The following CPLX2 variants were observed in gnomAD, a reference collection of about 807,000 sequenced individuals.
CPLX2 encodes complexin 2.
CPLX2 carries 5 observed loss-of-function variants against 16.3 expected under a neutral mutation model. The ratio of observed to expected loss-of-function variants is 0.31; its 90% CI spans 0.16 to 0.64. CPLX2 has a LOEUF of 0.64. Among genes scored for constraint, CPLX2 ranks in the 30% least tolerant of loss-of-function variants. The probability of loss-of-function intolerance (pLI) is 0.79; values close to 1 mark genes in which losing one functional copy is unlikely to be tolerated. For missense variants in CPLX2, 144 were observed against 181.4 expected (o/e 0.79, Z 1.18); for synonymous variants, 89 against 73.2 (o/e 1.22, Z -1.10).
At chr5:175,868,948 G>A (rs1245556278), upstream of CPLX2, among the ~76,000 whole-genome samples, 1 of 152,158 alleles carries the variant, frequency 6.6e-6, no homozygotes, top group Non-Finnish European at 1.5e-5. Flanking sequence ...AAGTGCTTGT[G>A]TAAATTAAAT....
At chr5:175,840,739 G>C (rs975716977) in intron 2 of CPLX2, among the ~76,000 whole-genome samples, 2 of 152,226 alleles carry the variant, frequency 1.3e-5, no homozygotes, top group Non-Finnish European at 2.9e-5. Flanking sequence ...CTGGTGCCAG[G>C]GAAAAGGGCA....
upstream of CPLX2, among the ~76,000 whole-genome samples, chr5:175,867,701 C>G (rs748843675): frequency 6.6e-6 from 1 of 152,122 alleles, no homozygotes; most frequent in Non-Finnish European, 1.5e-5. Context: ...CACCGAGAGT[C>G]AGAGACGCAC....
At chr5:175,828,740 C>G (rs1758669375) in intron 2 of CPLX2, among the ~76,000 whole-genome samples, 1 of 152,152 alleles carries the variant, frequency 6.6e-6, no homozygotes, top group South Asian at 2.1e-4. Flanking sequence ...AAATACTTTG[C>G]CTTGCTCATG....
chr5:175,806,190 G>A lies in CPLX2; in HGVS notation c.-168-2799G>A, dbSNP rs575718309. Among the ~76,000 whole-genome samples the A allele has an allele frequency of 2.3e-4, 21 of 89,574 alleles. No individual in the cohort carries two copies. In the East Asian group the frequency reaches 6.6e-3, roughly 28 times the overall value. 58.8% of individuals were successfully genotyped at this position (89,574 alleles called of 152,430 possible). On this transcript the variant is annotated intron_variant, in intron 1 of 4. Coordinates refer to the CPLX2 transcript ENST00000359546. ...CCTTCTAAACTGGCTCTGACAACCCGCCAGTCTTTTTTTTTTTGGCCCTGA... is the reference window on the plus strand; with the variant it reads ...CCTTCTAAACTGGCTCTGACAACCCACCAGTCTTTTTTTTTTTGGCCCTGA...
intron 1 of CPLX2, among the ~76,000 whole-genome samples, chr5:175,874,649 G>A (rs1317547242): frequency 6.6e-6 from 1 of 152,070 alleles, no homozygotes; most frequent in African/African-American, 2.4e-5. Context: ...CTGATCTTTG[G>A]ACAGACAGAA....
chr5:175,848,576 C>A (rs1018323747), intron 2 of CPLX2, among the ~76,000 whole-genome samples: 3 of 152,104 alleles, frequency 2.0e-5, no homozygotes, highest in African/African-American at 4.8e-5. Flanking sequence ...GGGACAGAGC[C>A]ACAGGAAGGG....
intron 2 of CPLX2, among the ~76,000 whole-genome samples, chr5:175,814,783 C>T (rs1002527267): frequency 2.6e-5 from 4 of 152,290 alleles, no homozygotes; most frequent in African/African-American, 7.2e-5. Context: ...GACCTGAGGC[C>T]GGTTTTGTCC....
intron 1 of CPLX2, among the ~76,000 whole-genome samples, chr5:175,876,905 C>T (rs1759771501): frequency 6.6e-6 from 1 of 152,198 alleles, no homozygotes; most frequent in African/African-American, 2.4e-5. Context: ...AACCTGCAAA[C>T]TCAGAATTCG....
chr5:175,881,302 G>A lies in CPLX2; in HGVS notation c.*1257G>A, dbSNP rs937579250. 1 of 153,168 alleles carries A rather than the reference G, an allele frequency of 6.5e-6. No homozygotes were observed. The highest frequency in any genetic ancestry group is 2.4e-5 in the African/African-American group (1 of 41,212). The allele number at this position is 153,168 out of a possible 1,614,324, so 9.5% of individuals were successfully genotyped here. A position where few individuals can be genotyped will look rare whatever the true frequency, so the allele number is the denominator to read the frequency against. On this transcript the variant is annotated 3_prime_UTR_variant, in exon 4 of 4. Transcript: ENST00000393745. ...GTGTGTGTGTCTTGAGATTGTGTGT[G>A]TTGCAGTCATCATATCTATGTGTTA...
intron 1 of CPLX2, among the ~76,000 whole-genome samples, chr5:175,797,016 A>G (rs1757990226): frequency 6.6e-6 from 1 of 151,946 alleles, no homozygotes; most frequent in Non-Finnish European, 1.5e-5. Flanking sequence ...CCCGCGCCGC[A>G]CCGGGTCCCT....
chr5:175,852,018 G>A (rs1224320128), intron 2 of CPLX2, among the ~76,000 whole-genome samples: 1 of 152,178 alleles, frequency 6.6e-6, no homozygotes, highest in Non-Finnish European at 1.5e-5. Flanking sequence ...AATGATTCCA[G>A]CTAAAAACAG....
At chr5:175,825,823 C>A (rs1758601977) in intron 2 of CPLX2, among the ~76,000 whole-genome samples, 1 of 150,240 alleles carries the variant, frequency 6.7e-6, no homozygotes. Context: ...CAGCTCCCAG[C>A]AGCTAGAGAG....
chr5:175,840,856 C>CT (rs1319278971), intron 2 of CPLX2, among the ~76,000 whole-genome samples: 1 of 152,038 alleles, frequency 6.6e-6, no homozygotes, highest in Admixed American at 6.5e-5. Flanking sequence ...TGTGACAAGA[C>CT]TTTTTTTTAT....
At chr5:175,828,689 C>G (rs560803448) in intron 2 of CPLX2, among the ~76,000 whole-genome samples, 1 of 152,142 alleles carries the variant, frequency 6.6e-6, no homozygotes, top group South Asian at 2.1e-4. Context: ...CCTCTCTGAG[C>G]CTCAGTGACC....
At chr5:175,863,937 T>C (rs1759416645) in intron 2 of CPLX2, among the ~76,000 whole-genome samples, 2 of 152,252 alleles carry the variant, frequency 1.3e-5, no homozygotes, top group African/African-American at 4.8e-5. Context: ...TTAAATTCTT[T>C]TCTTTCTCAT....
At chr5:175,839,367 C>T (rs994340094) in intron 2 of CPLX2, among the ~76,000 whole-genome samples, 2 of 152,060 alleles carry the variant, frequency 1.3e-5, no homozygotes, top group Admixed American at 1.3e-4. Context: ...CTCACTGCAA[C>T]CTCCGTCTCC....
chr5:175,851,697 T>C (rs539576831), intron 2 of CPLX2, among the ~76,000 whole-genome samples: 33 of 152,374 alleles, frequency 2.2e-4, no homozygotes, highest in African/African-American at 6.7e-4. Flanking sequence ...TAGGCTTCTT[T>C]GTGCCACTGG....
chr5:175,823,975 G>C (rs1016628185), intron 2 of CPLX2, among the ~76,000 whole-genome samples: 2 of 152,104 alleles, frequency 1.3e-5, no homozygotes, highest in Admixed American at 6.5e-5. Flanking sequence ...GTCCTCCTCC[G>C]CACAGGCCTG....
chr5:175,831,609 G>A (rs1246316944), intron 2 of CPLX2, among the ~76,000 whole-genome samples: 1 of 152,146 alleles, frequency 6.6e-6, no homozygotes, highest in African/African-American at 2.4e-5. Context: ...TCTGCTATTG[G>A]GGCAGAGCAT....
Sources: allele counts gnomAD v4.1 joint callset (sites outside exome capture counted in the v4.1 genomes callset), GRCh38; gene constraint gnomAD v4.1.1; transcripts MANE v1.5; gene names NCBI Gene and HGNC (gene_info 2026-07-23, HGNC 2026-07-21).